APBB2: variants seen among roughly 807,000 people sequenced by gnomAD.
APBB2 encodes the protein Fe65-like 1.
A neutral mutation model predicts 82.5 loss-of-function variants in APBB2; 38 were observed. That is an observed-to-expected ratio of 0.46 (90% CI 0.36 to 0.60). APBB2 has a LOEUF of 0.60. APBB2 is among the 20% of genes least tolerant of loss of function. The pLI is 0.00. For missense variants in APBB2, 772 were observed against 972.3 expected, an observed-to-expected ratio of 0.79 and a Z score of 2.74; for synonymous variants, 341 against 368.2, an observed-to-expected ratio of 0.93 and a Z score of 0.85.
intron 12 of APBB2, among the ~76,000 whole-genome samples, chr4:40,845,720 A>C (rs1004868945): frequency 4.0e-5 from 6 of 150,484 alleles, no homozygotes. Context: ...ACAACTGTCC[A>C]CTTTTCACAA....
intron 12 of APBB2, chr4:40,842,465 C>T (rs989569179): frequency 1.9e-5 from 8 of 421,242 alleles, no homozygotes; most frequent in Admixed American, 1.0e-4. Context: ...CCGTTAACAG[C>T]GAGTCTGAGC....
At chr4:40,848,903 A>G in intron 12 of APBB2, 7 of 985,368 alleles carry the variant, frequency 7.1e-6, no homozygotes, top group Non-Finnish European at 8.4e-6. Context: ...GTCAACATTC[A>G]CAGCCATCTG....
chr4:40,820,250 GCTC>G (rs1560600884), intron 17 of APBB2, among the ~76,000 whole-genome samples: 1 of 152,358 alleles, frequency 6.6e-6, no homozygotes, highest in East Asian at 1.9e-4. Context: ...TAGCGTGGAC[GCTC>G]CTCCTCTCTC....
Position 41,013,548 on chromosome 4 carries a change from A to G in APBB2, c.835+35T>C, listed in dbSNP as rs773293993. The G allele has an allele frequency of 2.8e-5, 43 of 1,548,238 alleles. No homozygotes were observed. The South Asian group carries it at 4.5e-4, about 16-fold the overall frequency. On this transcript the variant is annotated intron_variant, in intron 6 of 17. Transcript: ENST00000508593. Reference sequence around the variant, plus strand: ...ATAGTTGAAAAGATAAAAAAAAAAAAGTGCCAGCTGAGGCTACGCCTTCCC... The same window carrying G: ...ATAGTTGAAAAGATAAAAAAAAAAAGGTGCCAGCTGAGGCTACGCCTTCCC...
intron 5 of APBB2, among the ~76,000 whole-genome samples, chr4:41,025,944 CAAAAAAAAAAA>C (rs71198626): frequency 1.5e-5 from 1 of 68,278 alleles, no homozygotes; most frequent in Non-Finnish European, 2.9e-5. Flanking sequence ...TCCATCTCCA[CAAAAAAAAAAA>C]AAAAAAAAGA....
rs34433911 is a variant in APBB2 at position 40,858,454 on chromosome 4, C to CAA, written c.1530-27879_1530-27878dup. Among the ~76,000 whole-genome samples the CAA allele has an allele frequency of 9.6e-3, 546 of 57,140 alleles. 7 individuals are homozygous for CAA. Among genetic ancestry groups the CAA allele is most frequent in the Middle Eastern group, 0.013 (1 of 80 alleles). 37.5% of individuals were successfully genotyped at this position (57,140 alleles called of 152,430 possible). The stretch of plus-strand genomic sequence containing the variant: ...TGAGTGACAGAGTGAGAGTCCGTCT[C>CAA]AAAAAAAAAAAAAAAAAAAAAAAAG... On this transcript the variant is annotated intron_variant, in intron 12 of 17. Transcript: ENST00000508593.
chr4:40,871,206 G>C (rs1019139115), intron 12 of APBB2, among the ~76,000 whole-genome samples: 1 of 152,010 alleles, frequency 6.6e-6, no homozygotes, highest in Non-Finnish European at 1.5e-5. Context: ...CAATGTTGCA[G>C]TCTTGGCTCA....
At chr4:41,040,462 T>A (rs1232937998) in intron 4 of APBB2, among the ~76,000 whole-genome samples, 1 of 152,194 alleles carries the variant, frequency 6.6e-6, no homozygotes, top group Non-Finnish European at 1.5e-5. Flanking sequence ...TTTGTAAGGA[T>A]TATCTAACTG....
At chr4:41,090,035 A>T (rs1741153911) in intron 3 of APBB2, among the ~76,000 whole-genome samples, 1 of 152,184 alleles carries the variant, frequency 6.6e-6, no homozygotes, top group South Asian at 2.1e-4. Flanking sequence ...TAAGTAAAAA[A>T]ACCCAAACAT....
At chr4:41,026,377 A>T (rs1361405563) in intron 5 of APBB2, among the ~76,000 whole-genome samples, 1 of 152,214 alleles carries the variant, frequency 6.6e-6, no homozygotes, top group African/African-American at 2.4e-5. Context: ...CATATTTTAA[A>T]GTACACAATT....
chr4:40,952,572 C>A (rs1217862974), intron 6 of APBB2, among the ~76,000 whole-genome samples: 1 of 152,164 alleles, frequency 6.6e-6, no homozygotes, highest in Non-Finnish European at 1.5e-5. Context: ...AAACCAACCC[C>A]AAATGAATAA....
At chr4:40,834,132 T>C (rs1753022052) in intron 12 of APBB2, among the ~76,000 whole-genome samples, 1 of 151,872 alleles carries the variant, frequency 6.6e-6, no homozygotes, top group Admixed American at 6.6e-5. Context: ...TTTACAGCCT[T>C]ATCTTTTGTT....
intron 4 of APBB2, among the ~76,000 whole-genome samples, chr4:41,064,346 C>A (rs1247072875): frequency 2.0e-5 from 3 of 152,030 alleles, no homozygotes; most frequent in Admixed American, 1.3e-4. Context: ...CATAACTTTC[C>A]TATAAAGAAA....
At chr4:41,098,772 T>C (rs1416111623) in intron 3 of APBB2, among the ~76,000 whole-genome samples, 1 of 152,242 alleles carries the variant, frequency 6.6e-6, no homozygotes, top group East Asian at 1.9e-4. Context: ...AGTAGCTTAC[T>C]TTCTGAAGCT....
intron 1 of APBB2, among the ~76,000 whole-genome samples, chr4:41,158,266 T>C (rs1763972131): frequency 6.6e-6 from 1 of 152,184 alleles, no homozygotes; most frequent in African/African-American, 2.4e-5. Flanking sequence ...TGGCTATTAT[T>C]ACTATGAAAA....
intron 1 of APBB2, among the ~76,000 whole-genome samples, chr4:41,147,698 A>G (rs542246858): frequency 6.6e-6 from 1 of 152,202 alleles, no homozygotes; most frequent in East Asian, 1.9e-4. Flanking sequence ...CATGTTGGCC[A>G]GGCTGGCCTC....
intron 4 of APBB2, among the ~76,000 whole-genome samples, chr4:41,049,274 CGCCCCGTCGG>C (rs1560613467): frequency 6.7e-6 from 1 of 149,624 alleles, no homozygotes; most frequent in Non-Finnish European, 1.5e-5. Flanking sequence ...TCTGCCCGGC[CGCCCCGTCGG>C]AGAAGTGAGG....
chr4:40,932,713 G>A (rs1444905678), intron 10 of APBB2, among the ~76,000 whole-genome samples: 1 of 152,148 alleles, frequency 6.6e-6, no homozygotes, highest in Non-Finnish European at 1.5e-5. Context: ...TAGCACCGAA[G>A]ATCAGATGCA....
At chr4:41,049,236 C>T (rs1189502782) in intron 4 of APBB2, among the ~76,000 whole-genome samples, 2 of 149,758 alleles carry the variant, frequency 1.3e-5, no homozygotes, top group Admixed American at 6.6e-5. Context: ...TGCCCAGCCG[C>T]GACCCCGTCT....
Sources: allele counts gnomAD v4.1 joint callset (sites outside exome capture counted in the v4.1 genomes callset), GRCh38; gene constraint gnomAD v4.1.1; transcripts MANE v1.5; gene names NCBI Gene and HGNC (gene_info 2026-07-23, HGNC 2026-07-21).